The following POLR2F variants were observed in gnomAD, a reference collection of about 807,000 sequenced individuals.
The protein encoded by POLR2F is RNA polymerase II, I and III subunit F.
A neutral mutation model predicts 22.7 loss-of-function variants in POLR2F; 12 were observed. That is an observed-to-expected ratio of 0.53 (90% CI 0.34 to 0.86). The LOEUF (loss-of-function observed/expected upper bound fraction) is 0.86, where lower values mean the gene tolerates loss of function less well. POLR2F is among the 40% of genes least tolerant of loss of function. The probability of loss-of-function intolerance (pLI) is 0.02; values close to 1 mark genes in which losing one functional copy is unlikely to be tolerated. For synonymous variants in POLR2F, 57 were observed against 66.0 expected (o/e 0.86, Z 0.66); for missense variants, 126 against 171.5 (o/e 0.73, Z 1.48).
At position 37,967,974 on chromosome 22, in the gene POLR2F, T is replaced by TC; in HGVS notation, c.*263dup. 1 of 1,114,524 alleles carries TC rather than the reference T, an allele frequency of 9.0e-7. No individual in the cohort carries two copies. Among genetic ancestry groups the TC allele is most frequent in the Non-Finnish European group, 1.1e-6 (1 of 911,460 alleles). 69.0% of individuals were successfully genotyped at this position (1,114,524 alleles called of 1,614,324 possible). On this transcript the variant is annotated 3_prime_UTR_variant, in exon 5 of 5. Coordinates refer to ENST00000442738, the MANE Select transcript of POLR2F (RefSeq NM_021974.5). ...CACATCCTTCCCTCCATCTCCCTGT[T>TC]CCCCAGAGCAAAGGCTGCTGCAGGG... is the stretch of plus-strand genomic sequence containing the variant.
At chr22:37,963,654 G>A (rs368301824) in intron 3 of POLR2F, among the ~76,000 whole-genome samples, 31 of 152,218 alleles carry the variant, frequency 2.0e-4, no homozygotes, top group African/African-American at 7.5e-4. Context: ...GCATTCTATG[G>A]GGCACACTAA....
At chr22:37,999,286 C>T (rs886671064) in intron 1 of POLR2F, among the ~76,000 whole-genome samples, 8 of 152,164 alleles carry the variant, frequency 5.3e-5, no homozygotes, top group Admixed American at 3.3e-4. Context: ...AGGCCCAGTT[C>T]AGACACATTT....
chr22:38,015,175 A>G (rs2084906105), intron 1 of POLR2F, among the ~76,000 whole-genome samples: 1 of 152,232 alleles, frequency 6.6e-6, no homozygotes, highest in African/African-American at 2.4e-5. Flanking sequence ...CTTTGAAGGT[A>G]GAGCTGACAG....
At chr22:38,040,960 C>T in intron 5 of POLR2F, 1 of 1,558,164 alleles carries the variant, frequency 6.4e-7, no homozygotes, top group South Asian at 1.1e-5. Context: ...ATAATGATGA[C>T]AACAGTGACG....
chr22:37,982,753 G>T (rs1932439877), upstream of POLR2F, among the ~76,000 whole-genome samples: 1 of 152,118 alleles, frequency 6.6e-6, no homozygotes, highest in Non-Finnish European at 1.5e-5. Flanking sequence ...TCCCTAGGAG[G>T]ATGAAGAAGC....
chr22:38,038,423 G>A (rs2085137171), intron 5 of POLR2F, among the ~76,000 whole-genome samples: 1 of 152,186 alleles, frequency 6.6e-6, no homozygotes, highest in Non-Finnish European at 1.5e-5. Flanking sequence ...GGGTCACAGG[G>A]CGGCTGGGGT....
At chr22:38,002,908 G>A (rs962456256) in intron 1 of POLR2F, among the ~76,000 whole-genome samples, 28 of 151,950 alleles carry the variant, frequency 1.8e-4, no homozygotes, top group African/African-American at 6.3e-4. Context: ...TATATTTTTA[G>A]TAGAGACGGG....
chr22:38,022,551 C>CA (rs376987789), intron 1 of POLR2F, among the ~76,000 whole-genome samples: 7,637 of 55,166 alleles, frequency 0.14, 297 homozygotes, highest in Non-Finnish European at 0.16. Context: ...AACGCTGTCT[C>CA]AAAAAAAAAA....
chr22:38,002,779 G>A (rs1458968145), intron 1 of POLR2F, among the ~76,000 whole-genome samples: 1 of 151,516 alleles, frequency 6.6e-6, no homozygotes, highest in East Asian at 1.9e-4. Context: ...AGGCTGGAGT[G>A]CAGTGGCGCC....
chr22:37,994,216 G>T (rs2084689698), intron 1 of POLR2F, among the ~76,000 whole-genome samples: 1 of 152,192 alleles, frequency 6.6e-6, no homozygotes, highest in Non-Finnish European at 1.5e-5. Flanking sequence ...GCCCTGGGGT[G>T]TGTTCACATG....
intron 1 of POLR2F, among the ~76,000 whole-genome samples, chr22:38,024,937 C>T (rs1040651128): frequency 2.0e-5 from 3 of 152,044 alleles, no homozygotes; most frequent in African/African-American, 7.2e-5. Context: ...GGTCTTGCTT[C>T]ACCCCAGGGG....
intron 1 of POLR2F, among the ~76,000 whole-genome samples, chr22:37,995,726 A>C (rs190199438): frequency 6.6e-6 from 1 of 152,074 alleles, no homozygotes; most frequent in Non-Finnish European, 1.5e-5. Context: ...TAGTCCCAGC[A>C]CTTTATGAGG....
intron 1 of POLR2F, chr22:37,988,470 G>T (rs1601891792): frequency 1.3e-5 from 2 of 151,294 alleles, no homozygotes; most frequent in Admixed American, 1.3e-4. Flanking sequence ...GGCCAACATG[G>T]TGAAACCCCA....
At chr22:38,014,520 T>G (rs2084899723) in intron 1 of POLR2F, among the ~76,000 whole-genome samples, 1 of 150,486 alleles carries the variant, frequency 6.6e-6, no homozygotes, top group African/African-American at 2.4e-5. Context: ...CCGGCTAATT[T>G]TTTTTTTTTT....
At chr22:38,001,207 G>A (rs552387857) in intron 1 of POLR2F, among the ~76,000 whole-genome samples, 52 of 152,302 alleles carry the variant, frequency 3.4e-4, no homozygotes, top group Admixed American at 7.2e-4. Context: ...GTAAAACAGG[G>A]ATAATAGAAT....
In POLR2F at chr22:37,986,967, CCTT is replaced by C. The variant is rs1211366327; in HGVS notation, c.120+658_120+660del. The C allele has an allele frequency of 2.2e-6, 1 of 452,714 alleles. No individual in the cohort carries two copies. The highest frequency in any genetic ancestry group is 2.0e-5 in the African/African-American group (1 of 49,960). 28.0% of individuals were successfully genotyped at this position (452,714 alleles called of 1,614,324 possible). A position where few individuals can be genotyped will look rare whatever the true frequency, so the allele number is the denominator to read the frequency against. On this transcript the variant is annotated intron_variant, in intron 1 of 2. Transcript: ENST00000333418. The surrounding 1 kb of genome is among the most constrained non-coding windows in gnomAD (Gnocchi z 4.7). ...CAGGACAACAGGAGGGCCAGTGTCA[CCTT>C]CTCCTCCTTTCCCTGCTGGGGGTGG... is the stretch of plus-strand genomic sequence containing the variant.
In POLR2F at chr22:37,956,790, TTGA is replaced by T; in HGVS notation, c.44_46del (p.Asp15del). 1 of 1,613,978 alleles carries T rather than the reference TTGA, an allele frequency of 6.2e-7. No individual in the cohort carries two copies. The highest frequency in any genetic ancestry group is 8.5e-7 in the Non-Finnish European group (1 of 1,179,852). On this transcript the variant is annotated inframe_deletion, in exon 2 of 5. Coordinates refer to ENST00000442738, the MANE Select transcript of POLR2F (RefSeq NM_021974.5). Reference sequence around the variant, plus strand: ...CTGTACAGTTTTGATGGCGACGACTTTGATGATGTGGAGGAGGATGAAGGGCTA... The same window carrying T: ...CTGTACAGTTTTGATGGCGACGACTTTGATGTGGAGGAGGATGAAGGGCTA...
downstream of POLR2F, among the ~76,000 whole-genome samples, chr22:38,030,926 G>T (rs895703072): frequency 2.0e-5 from 3 of 152,160 alleles, no homozygotes; most frequent in Non-Finnish European, 4.4e-5. Flanking sequence ...CCAGTAGGGG[G>T]TGGGAAAGGC....
rs368729554 is a variant in POLR2F, at chr22:38,039,093, C to A, written c.453-1975C>A. On this transcript the variant is annotated intron_variant, in intron 5 of 5. Coordinates refer to the POLR2F transcript ENST00000407936. ...CGCCATTTCCCGCGGCCCTTGCCTC[C>A]CGGGAGCGGCTCCCCTCTGACGACT... 4.7e-4 allele frequency among the ~76,000 whole-genome samples: 72 copies of A among 152,338 alleles called. 2 individuals are homozygous for A. The South Asian group carries it at 5.4e-3, about 11-fold the overall frequency.
Sources: allele counts gnomAD v4.1 joint callset (sites outside exome capture counted in the v4.1 genomes callset), GRCh38; gene constraint gnomAD v4.1.1; non-coding constraint Gnocchi (gnomAD v3.1); transcripts MANE v1.5; gene names NCBI Gene and HGNC (gene_info 2026-07-23, HGNC 2026-07-21).